PEAK1: variants seen among roughly 807,000 people sequenced by gnomAD.
PEAK1 encodes the protein pseudopodium enriched atypical kinase 1.
A neutral mutation model predicts 124.7 loss-of-function variants in PEAK1; 54 were observed. That is an observed-to-expected ratio of 0.43 (90% confidence interval 0.35 to 0.54). The LOEUF is 0.54. PEAK1 is among the 20% of genes least tolerant of loss of function. The pLI, the probability that PEAK1 is intolerant of heterozygous loss-of-function variation, is 0.01. For missense variants in PEAK1, 2,046 were observed against 2,134.5 expected (o/e 0.96, Z 0.82); for synonymous variants, 719 against 760.0 (o/e 0.95, Z 0.89).
chr15:77,338,647 A>G (rs551760565), intron 2 of PEAK1, among the ~76,000 whole-genome samples: 6 of 126,164 alleles, frequency 4.8e-5, no homozygotes, highest in African/African-American at 2.4e-4. Flanking sequence ...AAAAAAAAAT[A>G]TATATATATA....
intron 8 of PEAK1, among the ~76,000 whole-genome samples, chr15:77,139,580 G>C (rs536799911): frequency 6.6e-6 from 1 of 152,256 alleles, no homozygotes; most frequent in African/African-American, 2.4e-5. Context: ...TATGAGACCA[G>C]TGTTGTTTGT....
At chr15:77,115,352 C>T (rs1254085353) in intron 9 of PEAK1, 33 bp from the exon 10 acceptor site, 1 of 1,568,088 alleles carries the variant, frequency 6.4e-7, no homozygotes, top group African/African-American at 1.4e-5. Flanking sequence ...AAAACTCACA[C>T]TCTCATAACC....
At chr15:77,182,101 T>A in intron 6 of PEAK1, 61 bp from the exon 7 acceptor site, 1 of 1,277,886 alleles carries the variant, frequency 7.8e-7, no homozygotes, top group Non-Finnish European at 9.9e-7. Context: ...GACTTACCAT[T>A]ATTAGTGACT....
At chr15:77,165,935 C>T (rs1411709203) in intron 7 of PEAK1, among the ~76,000 whole-genome samples, 1 of 152,156 alleles carries the variant, frequency 6.6e-6, no homozygotes, top group Non-Finnish European at 1.5e-5. Context: ...AATGTTCCTT[C>T]CACCACACTG....
chr15:77,158,545 G>C lies in PEAK1; in HGVS notation c.3289C>G (p.Pro1097Ala). The C allele has an allele frequency of 1.2e-6, 2 of 1,614,154 alleles. No individual in the cohort carries two copies. The highest frequency in any genetic ancestry group is 1.3e-5 in the African/African-American group (1 of 75,040). Residue 1097 changes from proline (P) to alanine (A), a missense_variant, in exon 8 of 10, where the codon CCT (proline) becomes GCT (alanine). Pro to Ala is a conservative substitution (Grantham distance 27). Transcript: ENST00000682557. Reference protein sequence around the residue: ...REDGKEDISDPMDPNPCSATY... With the variant: ...REDGKEDISDAMDPNPCSATY... ...GCACTACAAGGGTTCGGGTCCATAG[G>C]ATCTGAAATGTCTTCTTTTCCATCT... is the stretch of plus-strand genomic sequence containing the variant.
chr15:77,190,438 T>C (rs1488208753), intron 6 of PEAK1, among the ~76,000 whole-genome samples: 1 of 152,220 alleles, frequency 6.6e-6, no homozygotes, highest in Non-Finnish European at 1.5e-5. Flanking sequence ...CACTGGAATC[T>C]GGGATGTGTT....
intron 5 of PEAK1, among the ~76,000 whole-genome samples, chr15:77,274,279 CTTAA>C (rs1433152800): frequency 2.0e-5 from 3 of 152,088 alleles, no homozygotes; most frequent in East Asian, 3.9e-4. Context: ...ATAGATGGAA[CTTAA>C]TTAAACGAAA....
chr15:77,304,833 G>T (rs2063996042), intron 2 of PEAK1, among the ~76,000 whole-genome samples: 1 of 152,026 alleles, frequency 6.6e-6, no homozygotes, highest in African/African-American at 2.4e-5. Flanking sequence ...GGATTAAAAA[G>T]TTTTAGAACA....
chr15:77,203,877 A>C (rs2058495607), intron 6 of PEAK1, among the ~76,000 whole-genome samples: 1 of 152,180 alleles, frequency 6.6e-6, no homozygotes, highest in Non-Finnish European at 1.5e-5. Context: ...TAGATTTGAC[A>C]CCAAAGGCAT....
At chr15:77,294,675 T>C (rs761287948) in intron 2 of PEAK1, among the ~76,000 whole-genome samples, 1 of 152,204 alleles carries the variant, frequency 6.6e-6, no homozygotes, top group Non-Finnish European at 1.5e-5. Flanking sequence ...TGCAGTCTTA[T>C]GTAGTATGCA....
intron 2 of PEAK1, among the ~76,000 whole-genome samples, chr15:77,287,204 A>G (rs2062975350): frequency 6.6e-6 from 1 of 152,240 alleles, no homozygotes; most frequent in South Asian, 2.1e-4. Flanking sequence ...AAGACTGACC[A>G]TGCAAAATTT....
intron 6 of PEAK1, among the ~76,000 whole-genome samples, chr15:77,250,112 T>G (rs1278273310): frequency 1.4e-5 from 2 of 147,788 alleles, no homozygotes. Context: ...AACCCACAAT[T>G]AGAGATTTTT....
Position 77,113,958 on chromosome 15 carries a change from G to A in PEAK1, c.*198C>T, listed in dbSNP as rs2051130936. 3.4e-6 allele frequency: 2 copies of A among 589,954 alleles called. No individual in the cohort carries two copies. The highest frequency in any genetic ancestry group is 3.7e-5 in the African/African-American group (2 of 54,044). The allele number at this position is 589,954 out of a possible 1,614,324, so 36.5% of individuals were successfully genotyped here. On this transcript the variant is annotated 3_prime_UTR_variant, in exon 10 of 10. Transcript: ENST00000682557. ...TGCAAGTTTGTGCAGCTGAATTTCT[G>A]TAAAGTTAAGACAGACTCAGCTTCT...
chr15:77,251,820 C>T (rs1158387842), intron 6 of PEAK1, among the ~76,000 whole-genome samples: 6 of 152,182 alleles, frequency 3.9e-5, no homozygotes, highest in Non-Finnish European at 7.3e-5. Context: ...GTGATTACTA[C>T]CCTTTCCCTA....
chr15:77,314,377 CTTT>C (rs145411094), intron 2 of PEAK1, among the ~76,000 whole-genome samples: 1 of 150,580 alleles, frequency 6.6e-6, no homozygotes, highest in East Asian at 1.9e-4. Flanking sequence ...AATGAATTTT[CTTT>C]TTTTTTAAGA....
At chr15:77,310,055 G>A (rs893510577) in intron 2 of PEAK1, among the ~76,000 whole-genome samples, 2 of 152,158 alleles carry the variant, frequency 1.3e-5, no homozygotes, top group African/African-American at 4.8e-5. Flanking sequence ...ACAGGTTTCA[G>A]CTCACTACAT....
chr15:77,132,520 C>T (rs1487646579), intron 9 of PEAK1, among the ~76,000 whole-genome samples: 1 of 151,966 alleles, frequency 6.6e-6, no homozygotes, highest in East Asian at 1.9e-4. Context: ...CATGGTGAAA[C>T]CCCATCTCCA....
intron 5 of PEAK1, among the ~76,000 whole-genome samples, chr15:77,258,191 G>A (rs987521854): frequency 1.4e-4 from 22 of 152,130 alleles, no homozygotes; most frequent in African/African-American, 5.1e-4. Flanking sequence ...TTTTGGCTTA[G>A]GATTGACTTG....
chr15:77,337,144 T>A (rs1428939372), intron 2 of PEAK1: 6 of 984,928 alleles, frequency 6.1e-6, no homozygotes, highest in Non-Finnish European at 7.2e-6. Context: ...GTAAGAAGCA[T>A]CATTATAACC....
Sources: gnomAD v4.1 joint callset for allele counts (sites outside exome capture counted in the v4.1 genomes callset) on GRCh38, gnomAD v4.1.1 for gene constraint, MANE v1.5 for transcripts, NCBI Gene and HGNC (gene_info 2026-07-23, HGNC 2026-07-21) for gene names.